SYDE2: variants seen among roughly 807,000 people sequenced by gnomAD.
SYDE2 encodes the protein synapse defective Rho GTPase homolog 2, also known as rho GTPase-activating protein SYDE2.
In SYDE2, 76 loss-of-function variants were observed where a neutral mutation model predicts 91.5. The observed-to-expected ratio is 0.83, with a 90% CI of 0.69 to 1.01. The LOEUF (loss-of-function observed/expected upper bound fraction) is 1.01, where lower values mean the gene tolerates loss of function less well. SYDE2 is among the 50% of genes least tolerant of loss of function. SYDE2 has a pLI of 0.00. For synonymous variants in SYDE2, 513 were observed against 506.4 expected, an observed-to-expected ratio of 1.01 and a Z score of -0.18; for missense variants, 1,364 against 1,367.7, an observed-to-expected ratio of 1.00 and a Z score of 0.04.
chr1:85,186,186 G>A (rs927442756), intron 2 of SYDE2, among the ~76,000 whole-genome samples: 4 of 152,124 alleles, frequency 2.6e-5, no homozygotes, highest in African/African-American at 9.7e-5. Context: ...TGTGCTGCTG[G>A]ATTCGGTTTG....
chr1:85,178,492 G>A (rs1001636150), intron 3 of SYDE2, among the ~76,000 whole-genome samples: 1 of 152,050 alleles, frequency 6.6e-6, no homozygotes, highest in Non-Finnish European at 1.5e-5. Flanking sequence ...TATCAGTTCG[G>A]TAATGCTGGC....
chr1:85,176,704 T>A (rs1374784384), intron 4 of SYDE2, among the ~76,000 whole-genome samples: 1 of 152,136 alleles, frequency 6.6e-6, no homozygotes, highest in African/African-American at 2.4e-5. Flanking sequence ...GATCTGGAGA[T>A]ACACACTGAA....
chr1:85,161,109 C>G (rs1408471895), intron 6 of SYDE2: 1 of 985,040 alleles, frequency 1.0e-6, no homozygotes, highest in Non-Finnish European at 1.2e-6. Context: ...TGTTGACTAC[C>G]CACCTTCAGT....
At chr1:85,159,660 C>T (rs1252799718) in intron 6 of SYDE2, among the ~76,000 whole-genome samples, 1 of 152,160 alleles carries the variant, frequency 6.6e-6, no homozygotes, top group African/African-American at 2.4e-5. Flanking sequence ...CCTTTGTCTG[C>T]AAACATCTAA....
Position 85,158,403 on chromosome 1 carries a change from G to A in SYDE2, c.*347C>T, listed in dbSNP as rs1014684739. 1 of 185,264 alleles carries A rather than the reference G, an allele frequency of 5.4e-6. No individual in the cohort carries two copies. Among genetic ancestry groups the A allele is most frequent in the Non-Finnish European group, 1.1e-5 (1 of 91,654 alleles). The allele number at this position is 185,264 out of a possible 1,614,324, so 11.5% of individuals were successfully genotyped here. A position where few individuals can be genotyped will look rare whatever the true frequency, so the allele number is the denominator to read the frequency against. ...AAAAACAACAAAAAAAAGGACATCT[G>A]TCTCAGCTACAGAAGAGTGGTTCCC... is the stretch of plus-strand genomic sequence containing the variant. On this transcript the variant is annotated 3_prime_UTR_variant, in exon 7 of 7. Transcript: ENST00000341460.
rs186730873 is a variant in SYDE2, at chr1:85,195,032, C to A, written c.746-4280G>T. Among the ~76,000 whole-genome samples, 1,100 of 152,058 alleles carry A rather than the reference C, an allele frequency of 7.2e-3. 14 individuals carry two copies. The highest frequency in any genetic ancestry group is 8.2e-3 in the Non-Finnish European group (560 of 67,990). ...AAAATTAGCCGAGCATGGTGGCGGG[C>A]GCCTGTAGTCCCAGCTACTCGGGAG... On this transcript the variant is annotated intron_variant, in intron 1 of 6. Transcript: ENST00000341460.
intron 3 of SYDE2, among the ~76,000 whole-genome samples, chr1:85,180,854 A>T (rs1029601933): frequency 1.3e-5 from 2 of 152,210 alleles, no homozygotes; most frequent in African/African-American, 4.8e-5. Flanking sequence ...ATATTCAACT[A>T]TAAAAGTTTG....
At chr1:85,197,282 G>C (rs1271344293) in intron 1 of SYDE2, among the ~76,000 whole-genome samples, 2 of 152,144 alleles carry the variant, frequency 1.3e-5, no homozygotes, top group East Asian at 3.8e-4. Flanking sequence ...AAAGTTCTTA[G>C]TAGGAGCCAG....
intron 6 of SYDE2, chr1:85,159,763 T>A (rs961747529): frequency 5.2e-6 from 4 of 775,698 alleles, no homozygotes; most frequent in Non-Finnish European, 6.3e-6. Flanking sequence ...CATAGTTTAC[T>A]AAGCAGATCA....
intron 3 of SYDE2, among the ~76,000 whole-genome samples, chr1:85,180,308 A>C (rs1271118616): frequency 1.3e-5 from 2 of 152,184 alleles, no homozygotes; most frequent in African/African-American, 4.8e-5. Context: ...ATACAAGCAC[A>C]ATAAGCCTCT....
chr1:85,184,174 C>G (rs1281661717), intron 2 of SYDE2, among the ~76,000 whole-genome samples: 1 of 152,088 alleles, frequency 6.6e-6, no homozygotes, highest in Non-Finnish European at 1.5e-5. Flanking sequence ...TCGAGTGAAA[C>G]TGGCACACTC....
At position 85,182,426 on chromosome 1, in the gene SYDE2, G is replaced by C. The variant is rs1201419824; in HGVS notation, c.2216C>G (p.Ala739Gly). ...GAATACTACTAGTTTCAAATGTTGT[G>C]CATTTTCAATTTCTATGTTGAAAGT... ...DHTFNIEIEN[A>G]QHLKLVVFSW... Residue 739 changes from alanine (A) to glycine (G), a missense_variant, in exon 3 of 7, where the codon GCA becomes GGA. Coordinates refer to ENST00000341460, the MANE Select transcript of SYDE2 (RefSeq NM_032184.2). 1 of 1,613,408 alleles carries C rather than the reference G, an allele frequency of 6.2e-7. No homozygotes were observed. Among genetic ancestry groups the C allele is most frequent in the Non-Finnish European group, 8.5e-7 (1 of 1,179,672 alleles).
chr1:85,176,672 A>G (rs1314045446), intron 4 of SYDE2, among the ~76,000 whole-genome samples: 2 of 152,208 alleles, frequency 1.3e-5, no homozygotes, highest in Admixed American at 1.3e-4. Context: ...GAGAGGAGAA[A>G]GAACTACCAA....
chr1:85,167,085 A>G (rs1364883094), intron 5 of SYDE2, among the ~76,000 whole-genome samples: 1 of 151,916 alleles, frequency 6.6e-6, no homozygotes, highest in Non-Finnish European at 1.5e-5. Flanking sequence ...GTGACGGCAC[A>G]TGCCTGAAGT....
chr1:85,163,650 T>C (rs1175205369), intron 6 of SYDE2, among the ~76,000 whole-genome samples: 1 of 151,836 alleles, frequency 6.6e-6, no homozygotes, highest in African/African-American at 2.4e-5. Context: ...TAGCCCATCC[T>C]GCTGGCAAGT....
Position 85,182,649 on chromosome 1 carries a change from G to T in SYDE2, c.1993C>A (p.His665Asn), listed in dbSNP as rs372319157. The change falls in exon 3 of 7, where the codon CAT (histidine) becomes AAT (asparagine). Residue 665 changes from histidine to asparagine, a missense_variant. His to Asn is a moderately conservative substitution (Grantham distance 68). Transcript: ENST00000341460. Reference sequence around the variant, plus strand: ...TTAGGTTGATCAGAAAAGCTATAATGCCTAAAAGCATCAATGTCTATTTCA... The same window carrying T: ...TTAGGTTGATCAGAAAAGCTATAATTCCTAAAAGCATCAATGTCTATTTCA... ...KNEIDIDAFR[H>N]YSFSDQPKCS... 6.2e-7 allele frequency: 1 copy of T among 1,613,602 alleles called. No homozygotes were observed. Among genetic ancestry groups the T allele is most frequent in the Non-Finnish European group, 8.5e-7 (1 of 1,179,754 alleles).
At chr1:85,184,970 C>A (rs1228298416) in intron 2 of SYDE2, among the ~76,000 whole-genome samples, 1 of 151,600 alleles carries the variant, frequency 6.6e-6, no homozygotes, top group Admixed American at 6.6e-5. Context: ...CTTTCCAATT[C>A]TCTGATCAAA....
chr1:85,178,907 T>A (rs817442), intron 3 of SYDE2, among the ~76,000 whole-genome samples: 1 of 151,896 alleles, frequency 6.6e-6, no homozygotes, highest in Admixed American at 6.6e-5. Flanking sequence ...AAAACCTCTA[T>A]TTCAAAATTT....
Position 85,182,559 on chromosome 1 carries a change from G to A in SYDE2, c.2083C>T (p.Pro695Ser), listed in dbSNP as rs760586301. Residue 695 changes from proline (P) to serine (S), a missense_variant, in exon 3 of 7, where the codon CCT (proline) becomes TCT (serine). Physicochemically the swap from Pro to Ser is moderately conservative, Grantham distance 74. Coordinates refer to ENST00000341460, the MANE Select transcript of SYDE2 (RefSeq NM_032184.2). ...AAGACGTCTTTTGAATCTATCCGAG[G>A]TGGTTTTAAATCCTCAGCACCATAG... ...HFYGAEDLKP[P>S]RIDSKDVFCA... The A allele has an allele frequency of 4.3e-6, 7 of 1,613,878 alleles. No individual in the cohort carries two copies. In the South Asian group the frequency reaches 6.6e-5, roughly 15 times the overall value.
Sources: gnomAD v4.1 joint callset for allele counts (sites outside exome capture counted in the v4.1 genomes callset) on GRCh38, gnomAD v4.1.1 for gene constraint, MANE v1.5 for transcripts, NCBI Gene and HGNC (gene_info 2026-07-23, HGNC 2026-07-21) for gene names.